Variants in SLC16A10 observed in about 807,000 individuals in gnomAD.
The protein encoded by SLC16A10 is monocarboxylate transporter 10.
In SLC16A10, 27 loss-of-function variants were observed where a neutral mutation model predicts 40.0. The observed-to-expected ratio is 0.67, with a 90% confidence interval of 0.50 to 0.93. SLC16A10 has a LOEUF of 0.93. Among genes scored for constraint, SLC16A10 ranks in the 40% least tolerant of loss-of-function variants. The pLI is 0.00. For missense variants in SLC16A10, 529 were observed against 658.2 expected, an observed-to-expected ratio of 0.80 and a Z score of 2.15; for synonymous variants, 213 against 249.8, an observed-to-expected ratio of 0.85 and a Z score of 1.39.
Position 111,087,527 on chromosome 6 carries a change from T to C in SLC16A10, c.-226T>C, listed in dbSNP as rs1385378413. On this transcript the variant is annotated 5_prime_UTR_variant, in exon 1 of 6. Transcript: ENST00000368851. ...CAGTCGGGGGTGCGGGGCTGTGACCTAGAGGCTTCAGTGTCGATCCCCGAG... is the reference window on the plus strand; with the variant it reads ...CAGTCGGGGGTGCGGGGCTGTGACCCAGAGGCTTCAGTGTCGATCCCCGAG... 1.0e-5 allele frequency: 2 copies of C among 193,462 alleles called. No individual in the cohort carries two copies. The highest frequency in any genetic ancestry group is 2.1e-5 in the Non-Finnish European group (2 of 96,286). 12.0% of individuals were successfully genotyped at this position (193,462 alleles called of 1,614,324 possible). A position where few individuals can be genotyped will look rare whatever the true frequency, so the allele number is the denominator to read the frequency against.
At chr6:111,177,721 T>C in intron 3 of SLC16A10, 56 bp downstream of exon 3, 3 of 1,433,632 alleles carry the variant, frequency 2.1e-6, no homozygotes, top group Non-Finnish European at 2.8e-6. Flanking sequence ...GAAAAACTTC[T>C]TTGAAGAGAA....
chr6:111,230,773 T>A lies in SLC16A10; in HGVS notation c.*8538T>A, dbSNP rs1771101204. 1 of 152,232 alleles carries A rather than the reference T, an allele frequency of 6.6e-6. No homozygotes were observed. The allele number at this position is 152,232 out of a possible 1,614,324, so 9.4% of individuals were successfully genotyped here. A position where few individuals can be genotyped will look rare whatever the true frequency, so the allele number is the denominator to read the frequency against. On this transcript the variant is annotated 3_prime_UTR_variant, in exon 6 of 6. Transcript: ENST00000368851. ...CATTGTTCATGTGGACTTATTTTAA[T>A]GTTTATTTGAAAATTAATTTTTTAA...
At chr6:111,112,165 G>A (rs1340864952) in intron 1 of SLC16A10, among the ~76,000 whole-genome samples, 1 of 151,822 alleles carries the variant, frequency 6.6e-6, no homozygotes, top group Non-Finnish European at 1.5e-5. Flanking sequence ...AAGTAGCTAG[G>A]ACTACATGCA....
intron 3 of SLC16A10, among the ~76,000 whole-genome samples, chr6:111,195,219 A>ATC (rs1773060060): frequency 6.6e-6 from 1 of 152,254 alleles, no homozygotes; most frequent in Non-Finnish European, 1.5e-5. Flanking sequence ...AATGCCTGGG[A>ATC]TACGTGCTAC....
intron 3 of SLC16A10, among the ~76,000 whole-genome samples, chr6:111,183,457 G>A (rs1461635285): frequency 2.0e-5 from 3 of 152,142 alleles, no homozygotes; most frequent in African/African-American, 2.4e-5. Flanking sequence ...CTAGCGCAGT[G>A]CCTAGCACAC....
intron 1 of SLC16A10, among the ~76,000 whole-genome samples, chr6:111,089,675 A>C (rs1231765871): frequency 6.6e-6 from 1 of 152,190 alleles, no homozygotes; most frequent in Non-Finnish European, 1.5e-5. Context: ...TGCATATATA[A>C]TAGCAAACAA....
intron 1 of SLC16A10, among the ~76,000 whole-genome samples, chr6:111,127,264 G>C (rs1771691350): frequency 6.6e-6 from 1 of 152,174 alleles, no homozygotes; most frequent in Admixed American, 6.5e-5. Flanking sequence ...GCTTGAGAAG[G>C]GTGCTAGTTG....
chr6:111,189,636 A>T (rs1772956913), intron 3 of SLC16A10, among the ~76,000 whole-genome samples: 1 of 152,164 alleles, frequency 6.6e-6, no homozygotes, highest in South Asian at 2.1e-4. Context: ...TAGGCTTCAC[A>T]GTCATGGTGG....
At chr6:111,161,886 A>G (rs1302485119) in intron 1 of SLC16A10, among the ~76,000 whole-genome samples, 1 of 152,168 alleles carries the variant, frequency 6.6e-6, no homozygotes, top group African/African-American at 2.4e-5. Context: ...GTTTACTCCT[A>G]TCACCTGGCA....
intron 1 of SLC16A10, among the ~76,000 whole-genome samples, chr6:111,128,314 A>C (rs957836976): frequency 6.6e-6 from 1 of 152,208 alleles, no homozygotes; most frequent in South Asian, 2.1e-4. Context: ...AATGAGGCAC[A>C]GAGTGGTTAA....
chr6:111,101,014 ATAT>A (rs1771177242), intron 1 of SLC16A10, among the ~76,000 whole-genome samples: 4 of 135,218 alleles, frequency 3.0e-5, no homozygotes, highest in East Asian at 2.0e-4. Context: ...ATATATATAT[ATAT>A]AAATATATGT....
In SLC16A10 at chr6:111,219,988, C is replaced by G. The variant is rs150608268; in HGVS notation, c.1315+946C>G. 1.3e-3 allele frequency among the ~76,000 whole-genome samples: 202 copies of G among 152,210 alleles called. 1 individual carries two copies. Among genetic ancestry groups the G allele is most frequent in the African/African-American group, 4.7e-3 (195 of 41,546 alleles). The stretch of plus-strand genomic sequence containing the variant: ...AGTGTAGTCCCACCTACTCCAGAGG[C>G]GGAGGCGAGAGGATCTATTGCGCCT... On this transcript the variant is annotated intron_variant, in intron 5 of 5. Transcript: ENST00000368851.
intron 1 of SLC16A10, among the ~76,000 whole-genome samples, chr6:111,155,931 T>C (rs1439755119): frequency 6.6e-6 from 1 of 152,186 alleles, no homozygotes; most frequent in African/African-American, 2.4e-5. Flanking sequence ...CCAGGGCTCC[T>C]TGCAGAAAGG....
chr6:111,217,663 G>C (rs2114593639), intron 4 of SLC16A10, among the ~76,000 whole-genome samples: 1 of 152,166 alleles, frequency 6.6e-6, no homozygotes, highest in South Asian at 2.1e-4. Flanking sequence ...TGTTAGCCAG[G>C]ATGGTCTCGA....
intron 1 of SLC16A10, among the ~76,000 whole-genome samples, chr6:111,122,961 C>T (rs1771611041): frequency 6.6e-6 from 1 of 152,228 alleles, no homozygotes; most frequent in African/African-American, 2.4e-5. Context: ...TACCGAGACT[C>T]ATTCCATTTG....
intron 3 of SLC16A10, among the ~76,000 whole-genome samples, chr6:111,187,358 G>A (rs1406710568): frequency 6.6e-6 from 1 of 152,146 alleles, no homozygotes; most frequent in Non-Finnish European, 1.5e-5. Flanking sequence ...GCCAGGGCTT[G>A]AGCTTGGGTC....
At chr6:111,210,552 GCTGT>G (rs1396965192) in intron 4 of SLC16A10, among the ~76,000 whole-genome samples, 3 of 152,162 alleles carry the variant, frequency 2.0e-5, no homozygotes, top group Non-Finnish European at 4.4e-5. Flanking sequence ...CAGCTCAGAT[GCTGT>G]TAGGGTGATG....
At chr6:111,094,974 C>T (rs1174941299) in intron 1 of SLC16A10, among the ~76,000 whole-genome samples, 2 of 152,208 alleles carry the variant, frequency 1.3e-5, no homozygotes, top group East Asian at 3.8e-4. Flanking sequence ...TTAGTCATAA[C>T]CCCTTAACAG....
chr6:111,179,987 GGT>G (rs1772760017), intron 3 of SLC16A10, among the ~76,000 whole-genome samples: 1 of 152,190 alleles, frequency 6.6e-6, no homozygotes, highest in Non-Finnish European at 1.5e-5. Context: ...ACAGGGAAAA[GGT>G]GTCTCATATC....
Sources: gnomAD v4.1 joint callset for allele counts (sites outside exome capture counted in the v4.1 genomes callset) on GRCh38, gnomAD v4.1.1 for gene constraint, MANE v1.5 for transcripts, NCBI Gene and HGNC (gene_info 2026-07-23, HGNC 2026-07-21) for gene names.